Variants in CCDC125 observed in about 807,000 individuals in gnomAD.
The protein encoded by CCDC125 is coiled-coil domain-containing protein 125.
A neutral mutation model predicts 57.4 loss-of-function variants in CCDC125; 43 were observed. The ratio of observed to expected loss-of-function variants is 0.75; its 90% CI spans 0.59 to 0.97. The LOEUF is 0.97. Ranked by LOEUF, CCDC125 falls within the 50% of genes least tolerant of loss-of-function variation. The pLI, the probability that CCDC125 is intolerant of heterozygous loss-of-function variation, is 0.00. For synonymous variants in CCDC125, 187 were observed against 195.2 expected (o/e 0.96, Z 0.35); for missense variants, 563 against 595.7 (o/e 0.95, Z 0.57).
At position 69,285,386 on chromosome 5, in the gene CCDC125, A is replaced by G. The variant is rs1262841968; in HGVS notation, c.1181T>C (p.Met394Thr). The G allele has an allele frequency of 6.2e-7, 1 of 1,612,698 alleles. No homozygotes were observed. The highest frequency in any genetic ancestry group is 8.5e-7 in the Non-Finnish European group (1 of 1,179,594). The change falls in exon 11 of 12, where the codon ATG becomes ACG. Residue 394 changes from methionine to threonine, a missense_variant. Coordinates refer to ENST00000396496, the MANE Select transcript of CCDC125 (RefSeq NM_176816.5). ...MLPSENSSKRMEDQDSPQEVL... is the reference protein window; with the variant it reads ...MLPSENSSKRTEDQDSPQEVL... The stretch of plus-strand genomic sequence containing the variant: ...CTCTTGAGGACTGTCCTGGTCTTCC[A>G]TCCTCTTAGAACTGTTTTCTGAAGG...
intron 1 of CCDC125, among the ~76,000 whole-genome samples, chr5:69,329,708 A>C (rs1761182526): frequency 6.7e-6 from 1 of 148,692 alleles, no homozygotes; most frequent in Non-Finnish European, 1.5e-5. Flanking sequence ...TCACCATGTT[A>C]GCCAGGCTGG....
At position 69,300,099 on chromosome 5, in the gene CCDC125, G is replaced by T; in HGVS notation, c.729C>A (p.Leu243=). The change falls in exon 8 of 12, where the codon CTC becomes CTA. Residue 243 remains leucine, a synonymous_variant. Coordinates refer to ENST00000396496, the MANE Select transcript of CCDC125 (RefSeq NM_176816.5). The part of the protein sequence containing the change: ...AVLNQRYLEA[L]AMLDIKQQKM... ...TCTGCTGTTTGATATCAAGCATGGCGAGGGCCTCCAAATACCGTTGATTCA... is the reference window on the plus strand; with the variant it reads ...TCTGCTGTTTGATATCAAGCATGGCTAGGGCCTCCAAATACCGTTGATTCA... 1.9e-6 allele frequency: 3 copies of T among 1,614,042 alleles called. No individual in the cohort carries two copies. Among genetic ancestry groups the T allele is most frequent in the Non-Finnish European group, 1.7e-6 (2 of 1,179,984 alleles).
chr5:69,322,504 G>C (rs1325863627), intron 1 of CCDC125, among the ~76,000 whole-genome samples: 2 of 151,762 alleles, frequency 1.3e-5, no homozygotes, highest in Non-Finnish European at 2.9e-5. Context: ...CTAGAGGATT[G>C]CTTGAGCCCA....
intron 2 of CCDC125, among the ~76,000 whole-genome samples, chr5:69,317,139 G>C (rs1239695033): frequency 6.6e-6 from 1 of 152,064 alleles, no homozygotes; most frequent in Non-Finnish European, 1.5e-5. Context: ...CTCCCAAGTA[G>C]CTGGGATTAC....
intron 9 of CCDC125, among the ~76,000 whole-genome samples, chr5:69,292,770 G>A (rs542386495): frequency 1.3e-5 from 2 of 151,700 alleles, no homozygotes; most frequent in African/African-American, 2.4e-5. Flanking sequence ...TTTCAAATAC[G>A]TCTTATAGAT....
chr5:69,306,777 T>A, intron 6 of CCDC125, 40 bp downstream of exon 6: 1 of 1,360,786 alleles, frequency 7.3e-7, no homozygotes, highest in Non-Finnish European at 9.5e-7. Context: ...ACATAGATTT[T>A]AAAGGTTGTC....
At chr5:69,323,546 C>T (rs1029242512) in intron 1 of CCDC125, among the ~76,000 whole-genome samples, 4 of 151,972 alleles carry the variant, frequency 2.6e-5, no homozygotes, top group African/African-American at 9.7e-5. Context: ...TATTTTCAAC[C>T]CTGGTTGGTT....
chr5:69,282,161 G>A lies in CCDC125; in HGVS notation c.*568C>T, dbSNP rs1053058652. On this transcript the variant is annotated 3_prime_UTR_variant, in exon 12 of 12. Transcript: ENST00000396496. The stretch of plus-strand genomic sequence containing the variant: ...CCACCTTGGCCTCCCAAAGTGCTGG[G>A]ATTTATAAGCATGAGCCACCATGCC... The A allele has an allele frequency of 6.6e-6, 1 of 152,030 alleles. No individual in the cohort carries two copies. The highest frequency in any genetic ancestry group is 2.4e-5 in the African/African-American group (1 of 41,400). The allele number at this position is 152,030 out of a possible 1,614,324, so 9.4% of individuals were successfully genotyped here.
chr5:69,331,451 A>T (rs959690210), intron 1 of CCDC125, among the ~76,000 whole-genome samples: 3 of 151,932 alleles, frequency 2.0e-5, no homozygotes, highest in African/African-American at 4.8e-5. Flanking sequence ...AGGCTGGTCT[A>T]GACCTCCAGA....
chr5:69,321,886 G>T (rs1268236989), intron 1 of CCDC125, among the ~76,000 whole-genome samples: 1 of 152,076 alleles, frequency 6.6e-6, no homozygotes, highest in Non-Finnish European at 1.5e-5. Context: ...GCCCAGGCTA[G>T]AGTGTGGTGG....
At chr5:69,299,935 G>T in intron 8 of CCDC125, 77 bp downstream of exon 8, 1 of 1,115,746 alleles carries the variant, frequency 9.0e-7, no homozygotes, top group Non-Finnish European at 1.4e-6. Context: ...CCTACAATGT[G>T]TACACAAGGG....
At position 69,315,469 on chromosome 5, in the gene CCDC125, A is replaced by C. The variant is rs577712071; in HGVS notation, c.305-1423T>G. Among the ~76,000 whole-genome samples, 12 of 61,096 alleles carry C rather than the reference A, an allele frequency of 2.0e-4. 1 individual carries two copies. The highest frequency in any genetic ancestry group is 4.7e-4 in the African/African-American group (12 of 25,740). 40.1% of individuals were successfully genotyped at this position (61,096 alleles called of 152,430 possible). On this transcript the variant is annotated intron_variant, in intron 2 of 11. Transcript: ENST00000396496. Reference sequence around the variant, plus strand: ...AAAAAACAAAAAAAAAAACAAAAAAAAAAAAGGCCAGGTGTGGTGGCTCAC... The same window carrying C: ...AAAAAACAAAAAAAAAAACAAAAAACAAAAAGGCCAGGTGTGGTGGCTCAC...
chr5:69,327,662 C>G (rs1277543843), intron 1 of CCDC125, among the ~76,000 whole-genome samples: 2 of 152,100 alleles, frequency 1.3e-5, no homozygotes, highest in East Asian at 1.9e-4. Context: ...CTTCTTAGAG[C>G]CTGTTTTATT....
chr5:69,284,525 C>T (rs940975387), intron 11 of CCDC125, among the ~76,000 whole-genome samples: 5 of 152,110 alleles, frequency 3.3e-5, no homozygotes, highest in Non-Finnish European at 7.3e-5. Context: ...GAGTTAACTA[C>T]AGGAGCCCCC....
At chr5:69,276,612 T>G (rs750447956), downstream of CCDC125, 40 of 1,613,926 alleles carry the variant, frequency 2.5e-5, no homozygotes, top group Non-Finnish European at 3.3e-5. Context: ...AAGACCAAAC[T>G]GTCCAGTGGA....
chr5:69,274,546 G>T, the CCDC125 span, among the ~76,000 whole-genome samples: 359 of 152,254 alleles, frequency 2.4e-3, 1 homozygote, highest in Non-Finnish European at 3.4e-3. Context: ...AATAATATTG[G>T]GAGTGGTGAG....
intron 1 of CCDC125, among the ~76,000 whole-genome samples, chr5:69,326,081 T>C (rs1760702338): frequency 1.3e-5 from 2 of 151,978 alleles, no homozygotes; most frequent in African/African-American, 4.8e-5. Flanking sequence ...ACGGGATCCT[T>C]CCACCTCAGC....
At chr5:69,330,077 CTG>C (rs1761230401) in intron 1 of CCDC125, among the ~76,000 whole-genome samples, 1 of 152,174 alleles carries the variant, frequency 6.6e-6, no homozygotes, top group African/African-American at 2.4e-5. Flanking sequence ...TTTGCAGGAG[CTG>C]TGACACTACT....
downstream of CCDC125, chr5:69,276,562 T>C: frequency 6.2e-7 from 1 of 1,613,208 alleles, no homozygotes; most frequent in Non-Finnish European, 8.5e-7. Context: ...ATGAAGTATT[T>C]CAGTAATCGG....
Sources: allele counts gnomAD v4.1 joint callset (sites outside exome capture counted in the v4.1 genomes callset), GRCh38; gene constraint gnomAD v4.1.1; transcripts MANE v1.5; gene names NCBI Gene and HGNC (gene_info 2026-07-23, HGNC 2026-07-21).